ZNF451: variants seen among roughly 807,000 people sequenced by gnomAD.
ZNF451 encodes zinc finger protein 451.
Under a neutral mutation model 107.1 loss-of-function variants are expected in ZNF451, and 80 were observed. The ratio of observed to expected loss-of-function variants is 0.75; its 90% CI spans 0.62 to 0.90. The LOEUF is 0.90. ZNF451 is among the 40% of genes least tolerant of loss of function. The pLI is 0.00. For synonymous variants in ZNF451, 362 were observed against 406.5 expected (o/e 0.89, Z 1.32); for missense variants, 1,107 against 1,236.2 (o/e 0.90, Z 1.57).
At chr6:57,108,806 T>A in intron 3 of ZNF451, 1 of 985,434 alleles carries the variant, frequency 1.0e-6, no homozygotes, top group Non-Finnish European at 1.2e-6. Flanking sequence ...CTGTGCTGAT[T>A]GCAAGGCACT....
intron 13 of ZNF451, chr6:57,158,589 T>C (rs915639627): frequency 2.0e-6 from 2 of 985,276 alleles, no homozygotes; most frequent in Admixed American, 1.2e-4. Context: ...CAACATGTGG[T>C]TTCAAAGAAA....
chr6:57,136,870 G>A (rs764106509), intron 7 of ZNF451, among the ~76,000 whole-genome samples: 12 of 151,236 alleles, frequency 7.9e-5, no homozygotes, highest in Non-Finnish European at 1.5e-4. Context: ...CCTTTTTGCC[G>A]TCTCTCTAGG....
rs746162663 is a variant in ZNF451, at chr6:57,148,099, T to C, written c.2014T>C (p.Cys672Arg). The C allele has an allele frequency of 6.2e-7, 1 of 1,614,094 alleles. No individual in the cohort carries two copies. The highest frequency in any genetic ancestry group is 8.5e-7 in the Non-Finnish European group (1 of 1,179,972). Reference sequence around the variant, plus strand: ...AAAGATTAAATACTTCTGTGGGCTTTGTGATCTTATCTTTAATGTGGAAGA... The same window carrying C: ...AAAGATTAAATACTTCTGTGGGCTTCGTGATCTTATCTTTAATGTGGAAGA... ...EIKIKYFCGL[C>R]DLIFNVEEAF... is the part of the protein sequence containing the mutation. The change falls in exon 10 of 15, where the codon TGT becomes CGT. Residue 672 changes from cysteine (C) to arginine (R), a missense_variant. Transcript: ENST00000370706.
chr6:57,150,157 G>C (rs1270375790), intron 10 of ZNF451, among the ~76,000 whole-genome samples: 1 of 152,092 alleles, frequency 6.6e-6, no homozygotes. Context: ...GTGTTTATAG[G>C]GGGAGGTGTC....
chr6:57,104,848 T>C (rs1829775304), intron 3 of ZNF451: 1 of 985,420 alleles, frequency 1.0e-6, no homozygotes, highest in Non-Finnish European at 1.2e-6. Flanking sequence ...TTCCTGGAAG[T>C]GTAAAGGTAT....
rs572630413 is a variant in ZNF451 at position 57,141,739 on chromosome 6, C to T, written c.857-209C>T. On this transcript the variant is annotated intron_variant, in intron 8 of 14. Coordinates refer to ENST00000370706, the MANE Select transcript of ZNF451 (RefSeq NM_001031623.3). ...GATATCTTGGAAGTTTTCTGTTTCT[C>T]GGCATTTAAGACTCAAATTTTAATT... Among the ~76,000 whole-genome samples, 169 of 152,216 alleles carry T rather than the reference C, an allele frequency of 1.1e-3. 1 individual carries two copies. The highest frequency in any genetic ancestry group is 2.0e-3 in the Non-Finnish European group (138 of 67,990).
At chr6:57,151,203 G>GA (rs984604352) in intron 11 of ZNF451, 164 of 154,660 alleles carry the variant, frequency 1.1e-3, no homozygotes, top group South Asian at 2.5e-3. Context: ...CTACTAAAAA[G>GA]AAAAAAAAAA....
intron 4 of ZNF451, among the ~76,000 whole-genome samples, chr6:57,125,412 T>TA (rs1830885209): frequency 6.6e-6 from 1 of 152,180 alleles, no homozygotes; most frequent in South Asian, 2.1e-4. Flanking sequence ...TGAAATTACT[T>TA]AAAGAATTCC....
chr6:57,119,658 T>A (rs1830541083), intron 3 of ZNF451, among the ~76,000 whole-genome samples: 1 of 152,102 alleles, frequency 6.6e-6, no homozygotes, highest in Admixed American at 6.5e-5. Context: ...CCTCCTCCCC[T>A]CCCACCCCTC....
intron 5 of ZNF451, 94 bp from the exon 6 acceptor site, chr6:57,132,948 C>G: frequency 7.8e-7 from 1 of 1,288,674 alleles, no homozygotes; most frequent in South Asian, 1.4e-5. Context: ...GATGCTATGT[C>G]ATAATTTTCA....
At position 57,141,306 on chromosome 6, in the gene ZNF451, C is replaced by T. The variant is rs1467758007; in HGVS notation, c.707C>T (p.Ala236Val). 3 of 1,600,780 alleles carry T rather than the reference C, an allele frequency of 1.9e-6. No individual in the cohort carries two copies. Among genetic ancestry groups the T allele is most frequent in the Non-Finnish European group, 2.6e-6 (3 of 1,172,522 alleles). The change falls in exon 8 of 15, where the codon GCC becomes GTC. Residue 236 changes from alanine to valine, a missense_variant. Ala to Val is a moderately conservative substitution (Grantham distance 64). Coordinates refer to ENST00000370706, the MANE Select transcript of ZNF451 (RefSeq NM_001031623.3). ...QYRDHLFDKEATDDGHNNNLL... is the reference protein window; with the variant it reads ...QYRDHLFDKEVTDDGHNNNLL... ...CAGCTTTGTCTTATATTTTAGGAAG[C>T]CACAGATGATGGACATAACAACAAC... is the stretch of plus-strand genomic sequence containing the variant.
chr6:57,147,987 T>C lies in ZNF451; in HGVS notation c.1902T>C (p.His634=), dbSNP rs151150457. The part of the protein sequence containing the change: ...HCMSLASHKF[H]RYSCAHCRKP... ...TGTCTTTGGCAAGCCACAAGTTTCATAGATACAGCTGTGCTCACTGCAGAA... is the reference window on the plus strand; with the variant it reads ...TGTCTTTGGCAAGCCACAAGTTTCACAGATACAGCTGTGCTCACTGCAGAA... The change falls in exon 10 of 15, where the codon CAT becomes CAC. Residue 634 remains histidine (H), a synonymous_variant. Coordinates refer to ENST00000370706, the MANE Select transcript of ZNF451 (RefSeq NM_001031623.3). 1.2e-6 allele frequency: 2 copies of C among 1,614,034 alleles called. No individual in the cohort carries two copies. The highest frequency in any genetic ancestry group is 2.2e-5 in the South Asian group (2 of 91,086).
intron 12 of ZNF451, 70 bp downstream of exon 12, chr6:57,152,421 TTG>T (rs1832394963): frequency 6.4e-7 from 1 of 1,558,084 alleles, no homozygotes; most frequent in Non-Finnish European, 8.8e-7. Flanking sequence ...CCCACTTGAA[TTG>T]TAATGAGACT....
intron 4 of ZNF451, 68 bp downstream of exon 4, chr6:57,124,927 C>T (rs1427756559): frequency 9.0e-7 from 1 of 1,117,286 alleles, no homozygotes; most frequent in Non-Finnish European, 1.2e-6. Context: ...GGTAAAAAGC[C>T]TTTAATCAAA....
intron 3 of ZNF451, chr6:57,107,402 TA>T (rs559576682): frequency 7.7e-5 from 76 of 984,438 alleles, no homozygotes; most frequent in African/African-American, 2.3e-4. Context: ...ATGTCCCTTT[TA>T]AAAAAAATAT....
intron 3 of ZNF451, among the ~76,000 whole-genome samples, chr6:57,111,753 A>G (rs1247484013): frequency 2.0e-5 from 3 of 152,192 alleles, no homozygotes; most frequent in African/African-American, 7.2e-5. Flanking sequence ...GATGTAAGTC[A>G]TTTTCCTAAA....
chr6:57,150,581 A>G, intron 10 of ZNF451, 138 bp from the exon 11 acceptor site: 1 of 788,080 alleles, frequency 1.3e-6, no homozygotes, highest in Non-Finnish European at 1.9e-6. Flanking sequence ...TGGATTTCAC[A>G]AAAAGGTTTA....
At chr6:57,102,168 T>C (rs2127940521) in intron 3 of ZNF451, 1 of 1,442,468 alleles carries the variant, frequency 6.9e-7, no homozygotes, top group Non-Finnish European at 9.1e-7. Context: ...CTTGTACAAA[T>C]AGGATCTACA....
chr6:57,123,430 G>A (rs1004476778), intron 3 of ZNF451, among the ~76,000 whole-genome samples: 6 of 152,188 alleles, frequency 3.9e-5, no homozygotes, highest in Non-Finnish European at 8.8e-5. Context: ...AGTACCATAT[G>A]TTCTCATTTA....
Sources: allele counts gnomAD v4.1 joint callset (sites outside exome capture counted in the v4.1 genomes callset), GRCh38; gene constraint gnomAD v4.1.1; transcripts MANE v1.5; gene names NCBI Gene and HGNC (gene_info 2026-07-23, HGNC 2026-07-21).